Variants in ACAP2 observed in about 807,000 individuals in gnomAD.
The protein encoded by ACAP2 is arf-GAP with coiled-coil, ANK repeat and PH domain-containing protein 2.
In ACAP2, 39 loss-of-function variants were observed where a neutral mutation model predicts 115.8. The observed-to-expected ratio is 0.34, with a 90% CI of 0.26 to 0.44. The LOEUF (loss-of-function observed/expected upper bound fraction) is 0.44. ACAP2 is among the 20% of genes least tolerant of loss of function. ACAP2 has a pLI of 1.00. For missense variants in ACAP2, 662 were observed against 927.6 expected (o/e 0.71, Z 3.72); for synonymous variants, 289 against 315.8 (o/e 0.92, Z 0.90).
chr3:195,275,004 A>G lies in ACAP2; in HGVS notation c.*4324T>C, dbSNP rs1726143437. Reference sequence around the variant, plus strand: ...GTAGCAAGAAATAGTACATGTAATAAGTCTTTATGACTGGAATGATCCAGA... The same window carrying G: ...GTAGCAAGAAATAGTACATGTAATAGGTCTTTATGACTGGAATGATCCAGA... On this transcript the variant is annotated 3_prime_UTR_variant, in exon 23 of 23. Transcript: ENST00000326793. 2 of 152,674 alleles carry G rather than the reference A, an allele frequency of 1.3e-5. No homozygotes were observed. Among genetic ancestry groups the G allele is most frequent in the Admixed American group, 6.5e-5 (1 of 15,286 alleles). 9.5% of individuals were successfully genotyped at this position (152,674 alleles called of 1,614,324 possible).
At chr3:195,284,777 CTG>C (rs894346093) in intron 22 of ACAP2, among the ~76,000 whole-genome samples, 2 of 152,108 alleles carry the variant, frequency 1.3e-5, no homozygotes, top group African/African-American at 4.8e-5. Flanking sequence ...TCATTGCAAA[CTG>C]AATATTCTCA....
At chr3:195,356,888 C>T (rs917194858) in intron 4 of ACAP2, among the ~76,000 whole-genome samples, 1 of 151,710 alleles carries the variant, frequency 6.6e-6, no homozygotes, top group Non-Finnish European at 1.5e-5. Flanking sequence ...CAGGTGTGAC[C>T]CGGCATATTC....
At chr3:195,438,453 G>C (rs1348759861) in intron 1 of ACAP2, among the ~76,000 whole-genome samples, 4 of 151,866 alleles carry the variant, frequency 2.6e-5, no homozygotes, top group African/African-American at 4.8e-5. Context: ...GTTGCTAAAA[G>C]TTTATTATAA....
intron 6 of ACAP2, among the ~76,000 whole-genome samples, chr3:195,341,324 T>TTG (rs1730856290): frequency 7.3e-6 from 1 of 137,494 alleles, no homozygotes; most frequent in African/African-American, 2.7e-5. Context: ...TGTGTGGGTT[T>TTG]TTTTTTTTTT....
rs1305236891 is a variant in ACAP2, at chr3:195,302,022, C to T, written c.1269G>A (p.Arg423=). The change falls in exon 14 of 23, where the codon CGG becomes CGA. Residue 423 remains arginine (R), a synonymous_variant. Transcript: ENST00000326793. Reference sequence around the variant, plus strand: ...TGATGCCCAGGTTGATGCTGGCCCACCGTGGATCTGCCAGGCCACAGTCAC... The same window carrying T: ...TGATGCCCAGGTTGATGCTGGCCCATCGTGGATCTGCCAGGCCACAGTCAC... ...SCCDCGLADP[R]WASINLGITL... The T allele has an allele frequency of 6.2e-7, 1 of 1,613,868 alleles. No individual in the cohort carries two copies. The highest frequency in any genetic ancestry group is 8.5e-7 in the Non-Finnish European group (1 of 1,180,040).
intron 1 of ACAP2, among the ~76,000 whole-genome samples, chr3:195,424,230 G>GTA (rs1413101376): frequency 1.8e-5 from 2 of 113,656 alleles, no homozygotes; most frequent in East Asian, 4.7e-4. Flanking sequence ...TCATATGTGT[G>GTA]TGTGTGTGTG....
At chr3:195,295,667 T>A in intron 17 of ACAP2, 41 bp downstream of exon 17, 4 of 1,605,920 alleles carry the variant, frequency 2.5e-6, no homozygotes, top group Non-Finnish European at 3.4e-6. Context: ...GATTTGAGCT[T>A]AAGAAAATAG....
chr3:195,376,677 A>C (rs907572935), intron 4 of ACAP2, among the ~76,000 whole-genome samples: 2 of 152,184 alleles, frequency 1.3e-5, no homozygotes, highest in Non-Finnish European at 2.9e-5. Flanking sequence ...TAAATGATTT[A>C]TTTTATTAAA....
chr3:195,386,269 T>C (rs541656403), intron 2 of ACAP2, among the ~76,000 whole-genome samples: 9 of 152,208 alleles, frequency 5.9e-5, no homozygotes, highest in Admixed American at 3.3e-4. Context: ...AGATACAGGG[T>C]TTCTTTTTGG....
At chr3:195,353,023 A>G (rs1280308946) in intron 4 of ACAP2, among the ~76,000 whole-genome samples, 1 of 151,470 alleles carries the variant, frequency 6.6e-6, no homozygotes, top group Non-Finnish European at 1.5e-5. Flanking sequence ...GGAAGTTGCA[A>G]TGAGCCAAGG....
chr3:195,424,283 A>ATTT (rs1162275706), intron 1 of ACAP2, among the ~76,000 whole-genome samples: 24 of 54,110 alleles, frequency 4.4e-4, no homozygotes, highest in Middle Eastern at 0.015. Context: ...ATATATATAT[A>ATTT]TTTTTTTTTT....
At chr3:195,408,638 C>A (rs922148913) in intron 1 of ACAP2, among the ~76,000 whole-genome samples, 1 of 152,064 alleles carries the variant, frequency 6.6e-6, no homozygotes, top group Admixed American at 6.6e-5. Flanking sequence ...CAAAGCCAGA[C>A]ACTACTGGAA....
At chr3:195,282,658 T>C (rs1436511179) in intron 22 of ACAP2, 2 of 152,230 alleles carry the variant, frequency 1.3e-5, no homozygotes, top group East Asian at 1.9e-4. Flanking sequence ...TATGCTGCCA[T>C]GGAATGTTCC....
chr3:195,377,519 A>G (rs1283360747), intron 4 of ACAP2, among the ~76,000 whole-genome samples: 4 of 152,208 alleles, frequency 2.6e-5, no homozygotes, highest in Non-Finnish European at 5.9e-5. Context: ...TACTGGGAGT[A>G]TAACAGTAAA....
At chr3:195,353,388 T>G (rs189917208) in intron 4 of ACAP2, among the ~76,000 whole-genome samples, 3 of 152,310 alleles carry the variant, frequency 2.0e-5, no homozygotes, top group Non-Finnish European at 4.4e-5. Flanking sequence ...CATCCACAGG[T>G]AGATGGATTT....
chr3:195,282,030 G>A (rs1262633307), intron 22 of ACAP2: 1 of 152,186 alleles, frequency 6.6e-6, no homozygotes, highest in East Asian at 1.9e-4. Context: ...GAAGAAATAG[G>A]AAGAAGGGTC....
At chr3:195,318,620 T>C (rs902177678) in intron 10 of ACAP2, among the ~76,000 whole-genome samples, 1 of 152,196 alleles carries the variant, frequency 6.6e-6, no homozygotes, top group Non-Finnish European at 1.5e-5. Context: ...ATTTAGGATA[T>C]CTGGCAGAAG....
At chr3:195,299,398 C>A (rs1317759039) in intron 15 of ACAP2, among the ~76,000 whole-genome samples, 1 of 141,746 alleles carries the variant, frequency 7.1e-6, no homozygotes, top group Non-Finnish European at 1.5e-5. Context: ...GGCAATACCC[C>A]GTCTCTACAA....
intron 4 of ACAP2, among the ~76,000 whole-genome samples, chr3:195,351,441 CGT>C (rs56049053): frequency 0.17 from 22,336 of 129,530 alleles, 1,896 homozygotes; most frequent in South Asian, 0.19. Flanking sequence ...TTTTCTTTTT[CGT>C]GTGTGTGTGT....
Sources: gnomAD v4.1 joint callset for allele counts (sites outside exome capture counted in the v4.1 genomes callset) on GRCh38, gnomAD v4.1.1 for gene constraint, MANE v1.5 for transcripts, NCBI Gene and HGNC (gene_info 2026-07-23, HGNC 2026-07-21) for gene names.